The following NUMB variants were observed in gnomAD, a reference collection of about 807,000 sequenced individuals.
NUMB encodes protein numb homolog.
In NUMB, 29 loss-of-function variants were observed where a neutral mutation model predicts 59.7. The ratio of observed to expected loss-of-function variants is 0.49; its 90% CI spans 0.36 to 0.66. The LOEUF (loss-of-function observed/expected upper bound fraction) is 0.66, where lower values mean the gene tolerates loss of function less well. NUMB is among the 30% of genes least tolerant of loss of function. NUMB has a pLI of 0.00. For synonymous variants in NUMB, 288 were observed against 288.2 expected, an observed-to-expected ratio of 1.00 and a Z score of 0.01; for missense variants, 723 against 822.0, an observed-to-expected ratio of 0.88 and a Z score of 1.47.
chr14:73,318,426 T>C (rs188354477), intron 5 of NUMB, among the ~76,000 whole-genome samples: 1 of 152,210 alleles, frequency 6.6e-6, no homozygotes, highest in Admixed American at 6.5e-5. Flanking sequence ...TATCAAATAG[T>C]GAATAAAAAA....
intron 2 of NUMB, among the ~76,000 whole-genome samples, chr14:73,373,507 C>T (rs946577427): frequency 6.6e-6 from 1 of 152,096 alleles, no homozygotes; most frequent in African/African-American, 2.4e-5. Flanking sequence ...GTGAACAAAT[C>T]CATCATGGGA....
chr14:73,390,966 T>C (rs1286777937), intron 2 of NUMB, among the ~76,000 whole-genome samples: 1 of 151,998 alleles, frequency 6.6e-6, no homozygotes, highest in African/African-American at 2.4e-5. Flanking sequence ...AGTATTTTTA[T>C]ACTCTTGATA....
chr14:73,328,947 C>T (rs550951718), intron 4 of NUMB, among the ~76,000 whole-genome samples: 5 of 152,138 alleles, frequency 3.3e-5, no homozygotes, highest in East Asian at 3.9e-4. Flanking sequence ...CAGCTCACTA[C>T]AACCTCCGCC....
At chr14:73,312,482 G>A (rs1890828899) in intron 6 of NUMB, among the ~76,000 whole-genome samples, 1 of 152,088 alleles carries the variant, frequency 6.6e-6, no homozygotes, top group Non-Finnish European at 1.5e-5. Flanking sequence ...GGCAGGGTGA[G>A]GTGGGCAGAT....
chr14:73,373,349 G>A (rs1402681632), intron 2 of NUMB, among the ~76,000 whole-genome samples: 1 of 152,224 alleles, frequency 6.6e-6, no homozygotes, highest in African/African-American at 2.4e-5. Flanking sequence ...AGAATTATAA[G>A]TCCCTGCCCT....
At chr14:73,379,730 A>G (rs1401037907) in intron 2 of NUMB, among the ~76,000 whole-genome samples, 1 of 152,174 alleles carries the variant, frequency 6.6e-6, no homozygotes, top group Non-Finnish European at 1.5e-5. Flanking sequence ...GTCCTGAGGC[A>G]AGTGTACAAG....
chr14:73,345,063 AC>A (rs1463553287), intron 4 of NUMB, among the ~76,000 whole-genome samples: 1 of 152,214 alleles, frequency 6.6e-6, no homozygotes, highest in East Asian at 1.9e-4. Context: ...TCATCACAGC[AC>A]TATTCACAAT....
intron 4 of NUMB, among the ~76,000 whole-genome samples, chr14:73,341,592 T>A (rs949819656): frequency 3.3e-5 from 5 of 152,134 alleles, no homozygotes; most frequent in Admixed American, 2.6e-4. Flanking sequence ...TCTGCTATGT[T>A]GCCGAGGCTA....
chr14:73,360,217 A>G (rs1894033635), intron 3 of NUMB, among the ~76,000 whole-genome samples: 1 of 152,222 alleles, frequency 6.6e-6, no homozygotes, highest in Admixed American at 6.5e-5. Context: ...GGTGCTTACA[A>G]TAGTATCAGA....
chr14:73,427,148 A>G (rs1173855125), intron 1 of NUMB, among the ~76,000 whole-genome samples: 2 of 152,216 alleles, frequency 1.3e-5, no homozygotes, highest in African/African-American at 4.8e-5. Flanking sequence ...CTTACAGGAA[A>G]TAACTCTTAA....
chr14:73,365,185 G>A (rs778486510), intron 3 of NUMB, among the ~76,000 whole-genome samples: 36 of 152,070 alleles, frequency 2.4e-4, no homozygotes, highest in Admixed American at 4.6e-4. Context: ...GATTACAGGC[G>A]TGTGCCACTA....
chr14:73,340,324 G>A (rs949498997), intron 4 of NUMB, among the ~76,000 whole-genome samples: 14 of 152,118 alleles, frequency 9.2e-5, no homozygotes, highest in African/African-American at 2.7e-4. Flanking sequence ...CCTGACAAAC[G>A]AGCAGTGGGG....
chr14:73,419,850 C>T (rs1249141668), intron 1 of NUMB, among the ~76,000 whole-genome samples: 1 of 152,112 alleles, frequency 6.6e-6, no homozygotes, highest in Non-Finnish European at 1.5e-5. Flanking sequence ...GGGATGAATC[C>T]AAACTTAGTC....
chr14:73,415,158 G>A (rs139013874), intron 1 of NUMB, among the ~76,000 whole-genome samples: 4 of 147,746 alleles, frequency 2.7e-5, no homozygotes, highest in African/African-American at 7.6e-5. Flanking sequence ...ACTTCATTTC[G>A]TCATTGGTCT....
At chr14:73,408,877 C>CAAAAAAAA (rs368923818) in intron 2 of NUMB, among the ~76,000 whole-genome samples, 1 of 125,020 alleles carries the variant, frequency 8.0e-6, no homozygotes, top group Non-Finnish European at 1.7e-5. Flanking sequence ...AACTCCTTCT[C>CAAAAAAAA]AAAAAAAAAA....
intron 4 of NUMB, among the ~76,000 whole-genome samples, chr14:73,350,064 C>CATAT: frequency 7.6e-6 from 1 of 131,658 alleles, no homozygotes; most frequent in Admixed American, 7.4e-5. Context: ...TACATATATA[C>CATAT]ATACATACAT....
At chr14:73,427,043 A>G (rs1377430153) in intron 1 of NUMB, among the ~76,000 whole-genome samples, 2 of 152,182 alleles carry the variant, frequency 1.3e-5, no homozygotes, top group African/African-American at 4.8e-5. Flanking sequence ...AATAAAAAAG[A>G]CAAGACAGAG....
intron 2 of NUMB, among the ~76,000 whole-genome samples, chr14:73,392,870 C>T (rs1895918311): frequency 1.3e-5 from 2 of 151,974 alleles, no homozygotes; most frequent in South Asian, 4.2e-4. Context: ...GATCCTTAAC[C>T]TGGTCCACAC....
intron 4 of NUMB, 136 bp from the exon 5 acceptor site, chr14:73,323,340 T>A: frequency 3.6e-6 from 2 of 548,476 alleles, no homozygotes; most frequent in East Asian, 6.4e-5. Flanking sequence ...CACTTCTGGG[T>A]GTCAAGCATG....
Sources: gnomAD v4.1 joint callset for allele counts (sites outside exome capture counted in the v4.1 genomes callset) on GRCh38, gnomAD v4.1.1 for gene constraint, MANE v1.5 for transcripts, NCBI Gene and HGNC (gene_info 2026-07-23, HGNC 2026-07-21) for gene names.